The following TEX11 variants were observed in gnomAD, a reference collection of about 807,000 sequenced individuals.
TEX11 encodes the protein testis expressed 11.
TEX11 carries 7 observed loss-of-function variants against 84.4 expected under a neutral mutation model. The observed-to-expected ratio is 0.08, with a 90% CI of 0.05 to 0.16. TEX11 has a LOEUF of 0.16. Ranked by LOEUF, TEX11 falls within the 10% of genes least tolerant of loss-of-function variation. The pLI, the probability that TEX11 is intolerant of heterozygous loss-of-function variation, is 1.00. For synonymous variants in TEX11, 264 were observed against 222.8 expected (o/e 1.18, Z -1.64); for missense variants, 551 against 660.5 (o/e 0.83, Z 1.82).
At chrX:70,711,596 A>C (rs1401430072) in intron 13 of TEX11, among the ~76,000 whole-genome samples, 1 of 112,162 alleles carries the variant, frequency 8.9e-6, no homozygotes, top group African/African-American at 3.2e-5. Context: ...TCTTTTGAGA[A>C]GTGTCCATTC....
intron 16 of TEX11, among the ~76,000 whole-genome samples, chrX:70,656,259 A>T (rs867579825): frequency 2.3e-4 from 18 of 78,867 alleles, no homozygotes; most frequent in African/African-American, 3.6e-4. Context: ...CCCCCGTCTC[A>T]ACAAAAAAAT....
chrX:70,767,635 A>G (rs887822859), intron 9 of TEX11, among the ~76,000 whole-genome samples: 34 of 111,924 alleles, frequency 3.0e-4, no homozygotes, highest in Non-Finnish European at 1.1e-4. Flanking sequence ...ATATACCCAG[A>G]AGAAAGGAAA....
chrX:70,628,328 A>G (rs2147559019), intron 18 of TEX11, among the ~76,000 whole-genome samples: 1 of 110,968 alleles, frequency 9.0e-6, no homozygotes, highest in South Asian at 3.8e-4. Context: ...CTCTCAAGCC[A>G]ATCACATTCC....
intron 28 of TEX11, among the ~76,000 whole-genome samples, chrX:70,533,049 TAAATAA>T (rs1044470127): frequency 2.7e-5 from 3 of 110,380 alleles, no homozygotes; most frequent in Non-Finnish European, 5.7e-5. Context: ...AAAAAATAAA[TAAATAA>T]AAATAAAATA....
At chrX:70,762,862 C>T (rs1258081315) in intron 9 of TEX11, among the ~76,000 whole-genome samples, 1 of 109,883 alleles carries the variant, frequency 9.1e-6, no homozygotes, top group Non-Finnish European at 1.9e-5. Context: ...GGAAAAATCC[C>T]ATCTCTACAA....
chrX:70,677,887 C>T (rs1439231123), intron 15 of TEX11, among the ~76,000 whole-genome samples: 1 of 96,262 alleles, frequency 1.0e-5, no homozygotes, highest in East Asian at 3.3e-4. Flanking sequence ...GATCTCGGCT[C>T]ACTGCAACCT....
intron 9 of TEX11, among the ~76,000 whole-genome samples, chrX:70,759,778 A>G (rs2090895895): frequency 8.9e-6 from 1 of 111,740 alleles, no homozygotes; most frequent in African/African-American, 3.3e-5. Context: ...ATCAGGCAAG[A>G]GAAAGAAATA....
intron 16 of TEX11, among the ~76,000 whole-genome samples, chrX:70,663,413 T>C (rs771222934): frequency 4.1e-4 from 46 of 112,097 alleles, no homozygotes; most frequent in Non-Finnish European, 7.7e-4. Flanking sequence ...TTAATTTCTT[T>C]ACTCCCTGAC....
intron 16 of TEX11, among the ~76,000 whole-genome samples, chrX:70,664,097 T>C (rs1338161250): frequency 8.9e-6 from 1 of 112,289 alleles, no homozygotes; most frequent in Non-Finnish European, 1.9e-5. Context: ...ATTTTCAGTC[T>C]GCGTTTGATT....
chrX:70,654,709 C>CAAAAAAA, intron 16 of TEX11, among the ~76,000 whole-genome samples: 19 of 37,611 alleles, frequency 5.1e-4, no homozygotes, highest in African/African-American at 1.3e-3. Context: ...GACTCTGTCT[C>CAAAAAAA]AAAAAAAAAA....
At position 70,853,129 on chromosome X, in the gene TEX11, A is replaced by C; in HGVS notation, c.430T>G (p.Leu144Val). The change falls in exon 7 of 30, where the codon TTA (leucine) becomes GTA (valine). Residue 144 changes from leucine (L) to valine (V), a missense_variant. Coordinates refer to ENST00000374333, the MANE Select transcript of TEX11 (RefSeq NM_031276.3). ...VASLEQLYVK[L>V]IQRSSPEADL... ...GCCTCAGGGGAGCTCCTTTGAATTA[A>C]TTTGACGTATAATTGCTCCAGACTC... is the stretch of plus-strand genomic sequence containing the variant. 8.3e-7 allele frequency: 1 copy of C among 1,210,483 alleles called. No homozygotes were observed. Among genetic ancestry groups the C allele is most frequent in the African/African-American group, 1.7e-5 (1 of 57,658 alleles).
chrX:70,685,006 G>A (rs185268597), intron 13 of TEX11, among the ~76,000 whole-genome samples: 8 of 111,903 alleles, frequency 7.1e-5, no homozygotes, highest in Non-Finnish European at 1.1e-4. Context: ...AAAAAACCAA[G>A]TATATATAGC....
intron 16 of TEX11, among the ~76,000 whole-genome samples, chrX:70,652,657 G>T (rs2089823234): frequency 8.9e-6 from 1 of 111,805 alleles, no homozygotes; most frequent in South Asian, 3.7e-4. Flanking sequence ...AGGAAACAGA[G>T]ACCATAAAAT....
chrX:70,754,517 G>A (rs1007164157), intron 9 of TEX11, among the ~76,000 whole-genome samples: 3 of 111,796 alleles, frequency 2.7e-5, no homozygotes, highest in African/African-American at 9.7e-5. Flanking sequence ...TCTGTGGTGT[G>A]GGGGAACTCA....
At chrX:70,728,295 G>A (rs4531217) in intron 11 of TEX11, among the ~76,000 whole-genome samples, 44,030 of 111,310 alleles carry the variant, frequency 0.4, 7,158 homozygotes, top group East Asian at 0.58. Context: ...GCATCTCACT[G>A]GGGAGTGTTG....
intron 9 of TEX11, among the ~76,000 whole-genome samples, chrX:70,798,140 A>G (rs1315063228): frequency 9.1e-6 from 1 of 109,449 alleles, no homozygotes. Context: ...GAACTAATAA[A>G]TTCAATAAAG....
intron 7 of TEX11, among the ~76,000 whole-genome samples, chrX:70,844,057 T>C (rs2091463763): frequency 9.1e-6 from 1 of 110,218 alleles, no homozygotes; most frequent in African/African-American, 3.3e-5. Flanking sequence ...GTGTGGCGAT[T>C]CCTCAGGGAT....
chrX:70,858,143 A>G (rs2147856199), intron 5 of TEX11, among the ~76,000 whole-genome samples: 1 of 109,472 alleles, frequency 9.1e-6, no homozygotes, highest in East Asian at 2.9e-4. Flanking sequence ...AAATCTCACA[A>G]ATCACCACTA....
chrX:70,781,598 C>T (rs1276828043), intron 9 of TEX11, among the ~76,000 whole-genome samples: 22 of 111,498 alleles, frequency 2.0e-4, no homozygotes, highest in Non-Finnish European at 7.5e-5. Flanking sequence ...CTAACTAGAA[C>T]AAACAGTGTA....
Sources: gnomAD v4.1 joint callset for allele counts (sites outside exome capture counted in the v4.1 genomes callset) on GRCh38, gnomAD v4.1.1 for gene constraint, MANE v1.5 for transcripts, NCBI Gene and HGNC (gene_info 2026-07-23, HGNC 2026-07-21) for gene names.